The following EPHB1 variants were observed in gnomAD, a reference collection of about 807,000 sequenced individuals.
The protein encoded by EPHB1 is EPH receptor B1.
Under a neutral mutation model 94.4 loss-of-function variants are expected in EPHB1, and 30 were observed. That is an observed-to-expected ratio of 0.32 (90% CI 0.24 to 0.43). The LOEUF (loss-of-function observed/expected upper bound fraction) is 0.43, where lower values mean the gene tolerates loss of function less well. Among genes scored for constraint, EPHB1 ranks in the 20% least tolerant of loss-of-function variants. The pLI is 1.00. For synonymous variants in EPHB1, 522 were observed against 489.1 expected, an observed-to-expected ratio of 1.07 and a Z score of -0.89; for missense variants, 1,055 against 1,308.3, an observed-to-expected ratio of 0.81 and a Z score of 2.99.
intron 5 of EPHB1, among the ~76,000 whole-genome samples, chr3:135,133,605 G>A (rs1342669803): frequency 2.0e-5 from 3 of 152,186 alleles, no homozygotes; most frequent in Non-Finnish European, 2.9e-5. Context: ...TTAAATCTAT[G>A]TAGTTCAAAA....
chr3:134,919,147 A>G (rs2038627606), intron 1 of EPHB1, among the ~76,000 whole-genome samples: 1 of 152,236 alleles, frequency 6.6e-6, no homozygotes, highest in South Asian at 2.1e-4. Flanking sequence ...AACCATTGGA[A>G]TATGGTTAAT....
rs540906561 is a variant in EPHB1, at chr3:134,952,574, G to T, written c.805+522G>T. Among the ~76,000 whole-genome samples, 3 of 152,294 alleles carry T rather than the reference G, an allele frequency of 2.0e-5. No homozygotes were observed. The East Asian group carries it at 5.8e-4, about 29-fold the overall frequency. On this transcript the variant is annotated intron_variant, in intron 3 of 15. Transcript: ENST00000398015. The stretch of plus-strand genomic sequence containing the variant: ...CTCAACTTGGTACTGAACCCGTGTA[G>T]CTCATTAACTCAAAGCCCTCTGGCT...
intron 15 of EPHB1, among the ~76,000 whole-genome samples, chr3:135,253,290 G>T (rs1368810414): frequency 6.6e-6 from 1 of 151,382 alleles, no homozygotes; most frequent in African/African-American, 2.4e-5. Context: ...CCTTGCCCAT[G>T]CCTATGTCCT....
At chr3:135,081,431 A>AT (rs1316498061) in intron 3 of EPHB1, among the ~76,000 whole-genome samples, 1 of 152,194 alleles carries the variant, frequency 6.6e-6, no homozygotes, top group Non-Finnish European at 1.5e-5. Context: ...AGCATAGGCC[A>AT]CTGAGGACTT....
chr3:134,809,708 C>T (rs1017286195), intron 1 of EPHB1, among the ~76,000 whole-genome samples: 4 of 152,194 alleles, frequency 2.6e-5, no homozygotes, highest in South Asian at 2.1e-4. Context: ...AACAGCATCA[C>T]GTGGATTCTG....
intron 1 of EPHB1, among the ~76,000 whole-genome samples, chr3:134,878,477 A>G (rs1044470433): frequency 6.6e-6 from 1 of 152,200 alleles, no homozygotes; most frequent in African/African-American, 2.4e-5. Context: ...ATCCCCTGCT[A>G]GAGAGAAGAT....
chr3:135,146,764 C>T (rs914165370), intron 5 of EPHB1, among the ~76,000 whole-genome samples: 1 of 152,136 alleles, frequency 6.6e-6, no homozygotes, highest in African/African-American at 2.4e-5. Context: ...AGATATTTAT[C>T]AGATAAATAC....
At chr3:135,037,372 T>TC (rs1936680599) in intron 3 of EPHB1, among the ~76,000 whole-genome samples, 1 of 152,248 alleles carries the variant, frequency 6.6e-6, no homozygotes, top group Non-Finnish European at 1.5e-5. Flanking sequence ...CAGGGAGACG[T>TC]CCCTTGAGGA....
chr3:135,202,366 G>A (rs1302927006), intron 12 of EPHB1, among the ~76,000 whole-genome samples: 3 of 152,118 alleles, frequency 2.0e-5, no homozygotes, highest in African/African-American at 7.2e-5. Context: ...TGAAACCTAG[G>A]AATGATGTTT....
At chr3:135,174,182 A>G (rs1367872145) in intron 9 of EPHB1, among the ~76,000 whole-genome samples, 1 of 152,134 alleles carries the variant, frequency 6.6e-6, no homozygotes, top group African/African-American at 2.4e-5. Flanking sequence ...CACTTTCAGT[A>G]CATCTGTCCC....
intron 13 of EPHB1, among the ~76,000 whole-genome samples, chr3:135,242,433 A>G (rs1474867039): frequency 6.6e-6 from 1 of 152,112 alleles, no homozygotes; most frequent in Non-Finnish European, 1.5e-5. Flanking sequence ...TATCCTGTGA[A>G]AGGTTTAGTG....
At chr3:135,226,484 G>A (rs1051142223) in intron 12 of EPHB1, among the ~76,000 whole-genome samples, 3 of 152,112 alleles carry the variant, frequency 2.0e-5, no homozygotes, top group African/African-American at 7.2e-5. Flanking sequence ...GCAGGAGCCC[G>A]AGTACTCAGG....
In EPHB1 at chr3:134,885,826, A is replaced by G. The variant is rs77690514; in HGVS notation, c.59-39990A>G. Among the ~76,000 whole-genome samples, 1,501 of 152,282 alleles carry G rather than the reference A, an allele frequency of 9.9e-3. 26 individuals are homozygous for G. The highest frequency in any genetic ancestry group is 0.035 in the African/African-American group (1,443 of 41,548). ...CCTTCAAGGAAGGCTATGCCCTCTCATGACAGACTTTTGGAGAATGAGTGG... is the reference window on the plus strand; with the variant it reads ...CCTTCAAGGAAGGCTATGCCCTCTCGTGACAGACTTTTGGAGAATGAGTGG... On this transcript the variant is annotated intron_variant, in intron 1 of 15. Coordinates refer to ENST00000398015, the MANE Select transcript of EPHB1 (RefSeq NM_004441.5).
chr3:135,146,197 C>G (rs1941003916), intron 5 of EPHB1, among the ~76,000 whole-genome samples: 1 of 152,166 alleles, frequency 6.6e-6, no homozygotes, highest in South Asian at 2.1e-4. Context: ...GTGTGAGGCT[C>G]CCCCTGTGCC....
intron 1 of EPHB1, among the ~76,000 whole-genome samples, chr3:134,846,685 T>C (rs550875008): frequency 5.3e-5 from 8 of 152,190 alleles, no homozygotes; most frequent in African/African-American, 1.9e-4. Context: ...TGCTCACCTT[T>C]GCAGGAGGTG....
chr3:135,091,396 A>G (rs1433203452), intron 3 of EPHB1, among the ~76,000 whole-genome samples: 1 of 152,192 alleles, frequency 6.6e-6, no homozygotes, highest in Non-Finnish European at 1.5e-5. Context: ...TGATGTGGCA[A>G]TTCAATCACA....
chr3:135,112,880 T>A lies in EPHB1; in HGVS notation c.961+6277T>A, dbSNP rs912727613. On this transcript the variant is annotated intron_variant, in intron 4 of 15. Transcript: ENST00000398015. ...ACCTTTTGACAAGTGTTTACTTGGG[T>A]TAATCTAGGGCTTGCAAAATGGTAA... Among the ~76,000 whole-genome samples the A allele has an allele frequency of 2.0e-5, 3 of 152,182 alleles. No homozygotes were observed. In the East Asian group the frequency reaches 5.8e-4, roughly 29 times the overall value.
chr3:135,006,813 G>T (rs1319686633), intron 3 of EPHB1, among the ~76,000 whole-genome samples: 6 of 143,554 alleles, frequency 4.2e-5, no homozygotes, highest in Admixed American at 2.7e-4. Context: ...TTTGATATAT[G>T]ATGCCAAGTT....
At chr3:134,907,067 A>G (rs532099106) in intron 1 of EPHB1, among the ~76,000 whole-genome samples, 47 of 152,370 alleles carry the variant, frequency 3.1e-4, no homozygotes, top group African/African-American at 1.1e-3. Flanking sequence ...ATTAGCATTG[A>G]TAAGTGATTA....
Sources: gnomAD v4.1 joint callset for allele counts (sites outside exome capture counted in the v4.1 genomes callset) on GRCh38, gnomAD v4.1.1 for gene constraint, MANE v1.5 for transcripts, NCBI Gene and HGNC (gene_info 2026-07-23, HGNC 2026-07-21) for gene names.